DENND1A: variants seen among roughly 807,000 people sequenced by gnomAD.
DENND1A encodes the protein DENN domain containing 1A.
In DENND1A, 51 loss-of-function variants were observed where a neutral mutation model predicts 113.7. That is an observed-to-expected ratio of 0.45 (90% CI 0.36 to 0.57). The LOEUF (loss-of-function observed/expected upper bound fraction) is 0.57, where lower values mean the gene tolerates loss of function less well. DENND1A is among the 20% of genes least tolerant of loss of function. The probability of loss-of-function intolerance (pLI) is 0.00; values close to 1 mark genes in which losing one functional copy is unlikely to be tolerated. For missense variants in DENND1A, 1,258 were observed against 1,395.9 expected (o/e 0.90, Z 1.57); for synonymous variants, 565 against 570.8 (o/e 0.99, Z 0.14).
At chr9:123,902,217 A>G (rs1851785038) in intron 1 of DENND1A, among the ~76,000 whole-genome samples, 1 of 151,728 alleles carries the variant, frequency 6.6e-6, no homozygotes, top group Non-Finnish European at 1.5e-5. Context: ...ATACACACAC[A>G]CGTAGAGACA....
intron 12 of DENND1A, among the ~76,000 whole-genome samples, chr9:123,580,555 T>C (rs564089722): frequency 6.6e-6 from 1 of 152,376 alleles, no homozygotes; most frequent in South Asian, 2.1e-4. Flanking sequence ...GTCACTCATC[T>C]CATGCTGCCC....
At chr9:123,741,774 A>T (rs915820830) in intron 5 of DENND1A, among the ~76,000 whole-genome samples, 6 of 152,182 alleles carry the variant, frequency 3.9e-5, no homozygotes, top group African/African-American at 1.4e-4. Flanking sequence ...TAATTCCCCA[A>T]TCCGAGTTTC....
chr9:123,750,003 T>A (rs1211683890), intron 5 of DENND1A, among the ~76,000 whole-genome samples: 4 of 152,200 alleles, frequency 2.6e-5, no homozygotes, highest in African/African-American at 9.7e-5. Flanking sequence ...GGGAAGGCTG[T>A]GCCAGGCTGG....
intron 15 of DENND1A, among the ~76,000 whole-genome samples, chr9:123,455,329 T>C (rs1011671377): frequency 6.6e-6 from 1 of 152,220 alleles, no homozygotes; most frequent in Non-Finnish European, 1.5e-5. Context: ...TCTCCTCCAG[T>C]CGCGCCTCAC....
At chr9:123,456,097 AGAC>A (rs1228821117) in intron 15 of DENND1A, among the ~76,000 whole-genome samples, 1 of 152,166 alleles carries the variant, frequency 6.6e-6, no homozygotes, top group East Asian at 1.9e-4. Flanking sequence ...TGCTGTTTGT[AGAC>A]TTCATGGTGA....
At chr9:123,872,991 G>A (rs1846888228) in intron 2 of DENND1A, among the ~76,000 whole-genome samples, 1 of 152,190 alleles carries the variant, frequency 6.6e-6, no homozygotes, top group South Asian at 2.1e-4. Flanking sequence ...TACAGCGTAA[G>A]GTTTATATCT....
intron 1 of DENND1A, among the ~76,000 whole-genome samples, chr9:123,904,978 A>C (rs1205428106): frequency 1.3e-5 from 2 of 152,258 alleles, no homozygotes; most frequent in African/African-American, 4.8e-5. Context: ...TTACCCTCAA[A>C]GGGAAGTCCA....
chr9:123,486,441 G>C (rs1424746611), intron 13 of DENND1A, among the ~76,000 whole-genome samples: 1 of 152,014 alleles, frequency 6.6e-6, no homozygotes, highest in Admixed American at 6.6e-5. Context: ...GCCCAGCCCT[G>C]GAATCTTTCT....
intron 5 of DENND1A, among the ~76,000 whole-genome samples, chr9:123,689,625 T>C (rs1343482252): frequency 6.6e-6 from 1 of 152,180 alleles, no homozygotes; most frequent in Non-Finnish European, 1.5e-5. Flanking sequence ...CAGAAAATTA[T>C]ATTTTAGATT....
At chr9:123,695,213 TATATATATATGGAGAA>T (rs1431425505) in intron 5 of DENND1A, among the ~76,000 whole-genome samples, 1 of 151,176 alleles carries the variant, frequency 6.6e-6, no homozygotes, top group African/African-American at 2.5e-5. Context: ...ACTCTCCATA[TATATATATATGGAGAA>T]ACAAAAGTTC....
At chr9:123,724,302 AG>A (rs1168112885) in intron 5 of DENND1A, among the ~76,000 whole-genome samples, 1 of 152,218 alleles carries the variant, frequency 6.6e-6, no homozygotes, top group African/African-American at 2.4e-5. Context: ...GCATCTAATC[AG>A]CTTCTAAAAC....
Position 123,776,442 on chromosome 9 carries a change from G to A in DENND1A, c.133-6879C>T, listed in dbSNP as rs1363473915. 5.9e-5 allele frequency among the ~76,000 whole-genome samples: 9 copies of A among 152,102 alleles called. No individual in the cohort carries two copies. The South Asian group carries it at 1.2e-3, about 21-fold the overall frequency. On this transcript the variant is annotated intron_variant, in intron 3 of 23. Transcript: ENST00000394215. Reference sequence around the variant, plus strand: ...ATTCTAATTATTAAAATTTATACAGGATAATTTTTTAAATCATGGGTGGCT... The same window carrying A: ...ATTCTAATTATTAAAATTTATACAGAATAATTTTTTAAATCATGGGTGGCT...
intron 13 of DENND1A, among the ~76,000 whole-genome samples, chr9:123,513,018 C>T (rs959620596): frequency 2.0e-5 from 3 of 152,238 alleles, no homozygotes; most frequent in Non-Finnish European, 4.4e-5. Flanking sequence ...AAAAGAGATA[C>T]ATAACCTGTA....
intron 2 of DENND1A, among the ~76,000 whole-genome samples, chr9:123,855,780 G>A (rs1442483093): frequency 1.3e-5 from 2 of 152,196 alleles, no homozygotes; most frequent in African/African-American, 2.4e-5. Context: ...GCTCACACCT[G>A]TAATCCCAGC....
chr9:123,555,603 T>A (rs10986050), intron 13 of DENND1A, among the ~76,000 whole-genome samples: 3 of 152,190 alleles, frequency 2.0e-5, no homozygotes, highest in Non-Finnish European at 4.4e-5. Flanking sequence ...TATGGCTCAA[T>A]TGATCCTCAG....
intron 8 of DENND1A, among the ~76,000 whole-genome samples, chr9:123,655,395 A>G (rs2062886228): frequency 6.6e-6 from 1 of 152,116 alleles, no homozygotes; most frequent in Admixed American, 6.5e-5. Flanking sequence ...CAGAAGATGG[A>G]CCAGGTGGGA....
intron 3 of DENND1A, among the ~76,000 whole-genome samples, chr9:123,784,844 G>A (rs927408775): frequency 1.3e-5 from 2 of 152,160 alleles, no homozygotes; most frequent in African/African-American, 4.8e-5. Flanking sequence ...GCTGGGGAGT[G>A]ACCAAATTGG....
chr9:123,923,387 A>T (rs562722926), intron 1 of DENND1A, among the ~76,000 whole-genome samples: 1 of 152,282 alleles, frequency 6.6e-6, no homozygotes, highest in East Asian at 1.9e-4. Context: ...GTCTCTCTAC[A>T]TTCTCCTTTG....
At chr9:123,409,887 C>G (rs1299671706) in intron 20 of DENND1A, among the ~76,000 whole-genome samples, 1 of 152,010 alleles carries the variant, frequency 6.6e-6, no homozygotes, top group African/African-American at 2.4e-5. Flanking sequence ...GTCAGGAGAT[C>G]GAGACCATTC....
Sources: gnomAD v4.1 joint callset for allele counts (sites outside exome capture counted in the v4.1 genomes callset) on GRCh38, gnomAD v4.1.1 for gene constraint, MANE v1.5 for transcripts, NCBI Gene and HGNC (gene_info 2026-07-23, HGNC 2026-07-21) for gene names.